Variants in TMEM272 observed in about 807,000 individuals in gnomAD.
The protein encoded by TMEM272 is transmembrane protein 272, also known as long intergenic non-protein coding RNA 282.
TMEM272 carries 8 observed loss-of-function variants against 3.7 expected under a neutral mutation model. The ratio of observed to expected loss-of-function variants is 2.17; its 90% CI spans 1.27 to 3.91. The LOEUF (loss-of-function observed/expected upper bound fraction) is 3.91. Ranked by LOEUF, TMEM272 falls within the 30% of genes most tolerant of loss-of-function variation. TMEM272 has a pLI of 0.00. For synonymous variants in TMEM272, 63 were observed against 39.8 expected (o/e 1.58, Z -2.20); for missense variants, 166 against 91.5 (o/e 1.81, Z -3.32).
the TMEM272 span, chr13:51,909,126 G>A: frequency 6.9e-7 from 1 of 1,452,436 alleles, no homozygotes; most frequent in Non-Finnish European, 9.6e-7. Flanking sequence ...AAGTGCATAA[G>A]GATCTTTTTC....
intron 3 of TMEM272, among the ~76,000 whole-genome samples, chr13:51,825,503 A>T (rs752152475): frequency 6.6e-6 from 1 of 152,178 alleles, no homozygotes; most frequent in Non-Finnish European, 1.5e-5. Flanking sequence ...CCCATTAAGC[A>T]ATTAGGGTAC....
the TMEM272 span, among the ~76,000 whole-genome samples, chr13:51,888,804 C>T: frequency 1.3e-5 from 2 of 151,862 alleles, no homozygotes; most frequent in Non-Finnish European, 2.9e-5. Flanking sequence ...TGCCACCACG[C>T]CTGGCTAATT....
chr13:51,903,473 G>A, the TMEM272 span, among the ~76,000 whole-genome samples: 32 of 152,260 alleles, frequency 2.1e-4, no homozygotes, highest in African/African-American at 7.5e-4. Context: ...GTCAGATGAC[G>A]ATGTCTCAGT....
the TMEM272 span, among the ~76,000 whole-genome samples, chr13:51,871,633 C>G: frequency 2.0e-4 from 30 of 152,224 alleles, no homozygotes; most frequent in Non-Finnish European, 2.4e-4. Context: ...TGCAGCTGTT[C>G]CACACCTCAC....
the TMEM272 span, among the ~76,000 whole-genome samples, chr13:51,856,161 A>C: frequency 0.97 from 148,446 of 152,296 alleles, 72,365 homozygotes; most frequent in East Asian, 1. Flanking sequence ...CTGAGTCCAC[A>C]TTTGGGTGGG....
At chr13:51,923,662 G>C in the TMEM272 span, among the ~76,000 whole-genome samples, 1 of 95,636 alleles carries the variant, frequency 1.0e-5, no homozygotes. Flanking sequence ...GGAAGGGATG[G>C]AAAAAAAGGA....
the TMEM272 span, among the ~76,000 whole-genome samples, chr13:51,896,562 C>A: frequency 6.6e-6 from 1 of 152,132 alleles, no homozygotes; most frequent in Non-Finnish European, 1.5e-5. Flanking sequence ...GGTGCACATG[C>A]CCCATGCACC....
chr13:51,926,384 T>C, the TMEM272 span, among the ~76,000 whole-genome samples: 2 of 152,184 alleles, frequency 1.3e-5, no homozygotes, highest in Non-Finnish European at 2.9e-5. Context: ...TCCCACTTGC[T>C]GGGAGAGGCC....
At chr13:51,926,525 A>T in the TMEM272 span, among the ~76,000 whole-genome samples, 3 of 149,314 alleles carry the variant, frequency 2.0e-5, no homozygotes, top group African/African-American at 4.9e-5. Context: ...GCCCTGGAGC[A>T]TTAGAGCAGC....
At chr13:51,920,549 T>C in the TMEM272 span, among the ~76,000 whole-genome samples, 1 of 152,296 alleles carries the variant, frequency 6.6e-6, no homozygotes, top group Admixed American at 6.5e-5. Context: ...GATCTGGGCC[T>C]GTTCTTCCTG....
the TMEM272 span, among the ~76,000 whole-genome samples, chr13:51,868,837 A>G: frequency 6.6e-6 from 1 of 152,256 alleles, no homozygotes; most frequent in Non-Finnish European, 1.5e-5. Flanking sequence ...TGCAGATACT[A>G]GAAGATTCAG....
At chr13:51,893,109 A>G in the TMEM272 span, among the ~76,000 whole-genome samples, 2 of 152,224 alleles carry the variant, frequency 1.3e-5, no homozygotes, top group African/African-American at 4.8e-5. Flanking sequence ...CCTTGGCAGT[A>G]ACAATGAGCT....
the TMEM272 span, among the ~76,000 whole-genome samples, chr13:51,863,296 A>G: frequency 3.3e-5 from 5 of 152,280 alleles, no homozygotes; most frequent in Non-Finnish European, 5.9e-5. Context: ...TTCAGCTTTG[A>G]TCTTTGGGCT....
At chr13:51,896,845 G>A in the TMEM272 span, among the ~76,000 whole-genome samples, 1 of 152,146 alleles carries the variant, frequency 6.6e-6, no homozygotes, top group African/African-American at 2.4e-5. Context: ...CCAGGTACCT[G>A]GGCTCCACTC....
the TMEM272 span, chr13:51,932,257 T>C: frequency 6.6e-6 from 1 of 152,150 alleles, no homozygotes; most frequent in Non-Finnish European, 1.5e-5. Context: ...ATTTTTCTGC[T>C]CCTCCTCCTG....
the TMEM272 span, among the ~76,000 whole-genome samples, chr13:51,911,206 A>G: frequency 1.1e-3 from 175 of 152,352 alleles, no homozygotes; most frequent in Middle Eastern, 3.4e-3. Context: ...CAGCTAAAAT[A>G]TAAATTTTCT....
chr13:51,864,876 C>T, the TMEM272 span, among the ~76,000 whole-genome samples: 7 of 152,224 alleles, frequency 4.6e-5, no homozygotes, highest in Non-Finnish European at 7.3e-5. Flanking sequence ...CTAAAATACA[C>T]TCTCCTCCTC....
chr13:51,818,346 G>A (rs1261484455), intron 4 of TMEM272, among the ~76,000 whole-genome samples: 1 of 152,212 alleles, frequency 6.6e-6, no homozygotes, highest in East Asian at 1.9e-4. Flanking sequence ...TGTGCCTTGG[G>A]TAGGTGATAA....
the TMEM272 span, among the ~76,000 whole-genome samples, chr13:51,914,718 G>A: frequency 6.6e-6 from 1 of 152,302 alleles, no homozygotes; most frequent in Admixed American, 6.5e-5. Flanking sequence ...TCGGAGTGTG[G>A]CCCACAGAGC....
Sources: gnomAD v4.1 joint callset for allele counts (sites outside exome capture counted in the v4.1 genomes callset) on GRCh38, gnomAD v4.1.1 for gene constraint, MANE v1.5 for transcripts, NCBI Gene and HGNC (gene_info 2026-07-23, HGNC 2026-07-21) for gene names.